Variants in TAFA1 observed in about 807,000 individuals in gnomAD.
TAFA1 encodes the protein TAFA chemokine like family member 1, also known as chemokine-like protein TAFA-1.
In TAFA1, 4 loss-of-function variants were observed where a neutral mutation model predicts 18.5. That is an observed-to-expected ratio of 0.22 (90% CI 0.11 to 0.49). TAFA1 has a LOEUF of 0.49. Ranked by LOEUF, TAFA1 falls within the 20% of genes least tolerant of loss-of-function variation. TAFA1 has a pLI of 0.98. For missense variants in TAFA1, 147 were observed against 169.0 expected, an observed-to-expected ratio of 0.87 and a Z score of 0.72; for synonymous variants, 56 against 55.2, an observed-to-expected ratio of 1.01 and a Z score of -0.06.
chr3:68,499,446 C>CTTTTTTTTTTTTTT (rs752597708), intron 3 of TAFA1, among the ~76,000 whole-genome samples: 1 of 112,176 alleles, frequency 8.9e-6, no homozygotes, highest in Non-Finnish European at 1.9e-5. Flanking sequence ...GTGTTCCTTT[C>CTTTTTTTTTTTTTT]TTTTTTTTTT....
At chr3:68,323,732 C>T (rs1272572129) in intron 2 of TAFA1, among the ~76,000 whole-genome samples, 1 of 152,096 alleles carries the variant, frequency 6.6e-6, no homozygotes, top group East Asian at 1.9e-4. Flanking sequence ...AAATAATTCT[C>T]TGAAGCAGCA....
intron 2 of TAFA1, among the ~76,000 whole-genome samples, chr3:68,158,230 A>G (rs777065923): frequency 3.3e-5 from 5 of 152,044 alleles, no homozygotes; most frequent in Non-Finnish European, 5.9e-5. Flanking sequence ...TCTCAGCCAC[A>G]TTTCCGATTC....
chr3:68,384,465 T>G, intron 2 of TAFA1, among the ~76,000 whole-genome samples: 1 of 152,254 alleles, frequency 6.6e-6, no homozygotes, highest in South Asian at 2.1e-4. Context: ...GTAAATGTAC[T>G]TGTATGGTTT....
chr3:68,217,880 T>C (rs1485693278), intron 2 of TAFA1, among the ~76,000 whole-genome samples: 22 of 152,038 alleles, frequency 1.4e-4, no homozygotes. Context: ...TCTTGCCTAA[T>C]GTTAGATTTT....
At chr3:68,376,713 C>T (rs983499441) in intron 2 of TAFA1, among the ~76,000 whole-genome samples, 2 of 152,064 alleles carry the variant, frequency 1.3e-5, no homozygotes, top group Admixed American at 1.3e-4. Flanking sequence ...CTGCAATGAA[C>T]ATATTTGTGC....
At chr3:68,544,351 T>C in intron 4 of TAFA1, 135 bp from the exon 5 acceptor site, 1 of 785,930 alleles carries the variant, frequency 1.3e-6, no homozygotes, top group African/African-American at 1.8e-5. Context: ...ACTTTAAGAT[T>C]TTTGACTTCA....
intron 2 of TAFA1, among the ~76,000 whole-genome samples, chr3:68,103,780 CA>C (rs2065174988): frequency 1.3e-5 from 2 of 152,132 alleles, no homozygotes; most frequent in Admixed American, 1.3e-4. Flanking sequence ...CTGTCCTAAA[CA>C]CCTTACATGA....
chr3:68,273,996 C>T (rs2067733976), intron 2 of TAFA1, among the ~76,000 whole-genome samples: 1 of 152,150 alleles, frequency 6.6e-6, no homozygotes, highest in South Asian at 2.1e-4. Flanking sequence ...CTGATTTGCT[C>T]TTACCAGCTT....
chr3:68,265,991 G>A (rs1164059020), intron 2 of TAFA1, among the ~76,000 whole-genome samples: 1 of 152,094 alleles, frequency 6.6e-6, no homozygotes, highest in African/African-American at 2.4e-5. Flanking sequence ...TAAATTGAAC[G>A]GCACTGTCAG....
chr3:68,330,481 T>G (rs2068848800), intron 2 of TAFA1, among the ~76,000 whole-genome samples: 1 of 152,236 alleles, frequency 6.6e-6, no homozygotes, highest in Admixed American at 6.5e-5. Flanking sequence ...TTACTTTGTC[T>G]TAAGTCTTAT....
intron 2 of TAFA1, among the ~76,000 whole-genome samples, chr3:68,201,331 T>C (rs1359933168): frequency 2.0e-5 from 3 of 151,684 alleles, no homozygotes; most frequent in Admixed American, 2.0e-4. Flanking sequence ...TTCATGTGAG[T>C]TGGAGAAGAA....
chr3:68,262,307 GTATATATATA>G (rs763753757), intron 2 of TAFA1, among the ~76,000 whole-genome samples: 1,019 of 32,092 alleles, frequency 0.032, 37 homozygotes, highest in African/African-American at 0.045. Flanking sequence ...GATATGGAGG[GTATATATATA>G]TATATATATA....
At chr3:68,441,935 C>A (rs1427709278) in intron 3 of TAFA1, among the ~76,000 whole-genome samples, 2 of 152,164 alleles carry the variant, frequency 1.3e-5, no homozygotes, top group African/African-American at 4.8e-5. Flanking sequence ...GTGTACCTGG[C>A]TGTGCACTTT....
At chr3:68,498,007 G>T (rs534269991) in intron 3 of TAFA1, among the ~76,000 whole-genome samples, 5 of 152,240 alleles carry the variant, frequency 3.3e-5, no homozygotes, top group African/African-American at 1.2e-4. Flanking sequence ...GGGGAGAATA[G>T]GTGACTTCCA....
rs1044498635 is a variant in TAFA1, at chr3:68,477,771, G to A, written c.259+60351G>A. Among the ~76,000 whole-genome samples, 9 of 152,110 alleles carry A rather than the reference G, an allele frequency of 5.9e-5. No individual in the cohort carries two copies. The East Asian group carries it at 1.7e-3, about 29-fold the overall frequency. ...AATTTCTGAAAATATATATTTTTCAGCTTTAGAAGATATAGCTAGTTTTCC... is the reference window on the plus strand; with the variant it reads ...AATTTCTGAAAATATATATTTTTCAACTTTAGAAGATATAGCTAGTTTTCC... On this transcript the variant is annotated intron_variant, in intron 3 of 4. Coordinates refer to ENST00000478136, the MANE Select transcript of TAFA1 (RefSeq NM_213609.4).
intron 3 of TAFA1, among the ~76,000 whole-genome samples, chr3:68,511,292 A>T (rs1442207552): frequency 6.6e-6 from 1 of 152,154 alleles, no homozygotes; most frequent in Admixed American, 6.6e-5. Context: ...AACAGGTATG[A>T]AAACAAATGT....
chr3:68,069,667 T>C (rs997505709), intron 2 of TAFA1, among the ~76,000 whole-genome samples: 1 of 152,204 alleles, frequency 6.6e-6, no homozygotes, highest in Non-Finnish European at 1.5e-5. Flanking sequence ...AAGTCCCTTC[T>C]GCCTATGAGC....
intron 2 of TAFA1, among the ~76,000 whole-genome samples, chr3:68,411,699 A>G (rs949888948): frequency 6.6e-6 from 1 of 152,198 alleles, no homozygotes; most frequent in Non-Finnish European, 1.5e-5. Context: ...GAGTAGAGGT[A>G]ACTGAGCCCC....
At chr3:68,291,186 A>G (rs975289806) in intron 2 of TAFA1, among the ~76,000 whole-genome samples, 1 of 152,166 alleles carries the variant, frequency 6.6e-6, no homozygotes, top group African/African-American at 2.4e-5. Flanking sequence ...TTGAATCGAA[A>G]TAACTTCAGC....
Sources: gnomAD v4.1 joint callset for allele counts (sites outside exome capture counted in the v4.1 genomes callset) on GRCh38, gnomAD v4.1.1 for gene constraint, MANE v1.5 for transcripts, NCBI Gene and HGNC (gene_info 2026-07-23, HGNC 2026-07-21) for gene names.